Variants in LAMP1 observed in about 807,000 individuals in gnomAD.
The protein encoded by LAMP1 is lysosome associated membrane protein 1.
A neutral mutation model predicts 37.5 loss-of-function variants in LAMP1; 7 were observed. The observed-to-expected ratio is 0.19, with a 90% CI of 0.11 to 0.35. The LOEUF is 0.35. Among genes scored for constraint, LAMP1 ranks in the 10% least tolerant of loss-of-function variants. LAMP1 has a pLI of 1.00. For missense variants in LAMP1, 537 were observed against 552.8 expected, an observed-to-expected ratio of 0.97 and a Z score of 0.29; for synonymous variants, 236 against 229.1, an observed-to-expected ratio of 1.03 and a Z score of -0.27.
intron 4 of LAMP1, among the ~76,000 whole-genome samples, chr13:113,311,794 G>A (rs1192729615): frequency 2.0e-5 from 3 of 152,216 alleles, no homozygotes; most frequent in Non-Finnish European, 2.9e-5. Context: ...TATGCAAAAT[G>A]TGTATCTCAG....
chr13:113,320,374 C>T lies in LAMP1; in HGVS notation c.780C>T (p.Pro260=), dbSNP rs773409402. The part of the protein sequence containing the change: ...TTVTRLLNIN[P]NKTSASGSCG... ...TGACAAGGCTTCTCAACATCAACCC[C>T]AACAAGACCTCGGCCAGCGGGAGCT... is the stretch of plus-strand genomic sequence containing the variant. Residue 260 remains proline (P), a synonymous_variant, in exon 6 of 9, where the codon CCC becomes CCT. Coordinates refer to ENST00000332556, the MANE Select transcript of LAMP1 (RefSeq NM_005561.4). The surrounding 1 kb of genome is among the most constrained non-coding windows in gnomAD (Gnocchi z 4.4). The T allele has an allele frequency of 1.1e-5, 17 of 1,613,884 alleles. No homozygotes were observed. The highest frequency in any genetic ancestry group is 1.4e-5 in the Non-Finnish European group (17 of 1,180,044).
intron 1 of LAMP1, among the ~76,000 whole-genome samples, chr13:113,303,483 G>A (rs1464255505): frequency 6.6e-6 from 1 of 152,006 alleles, no homozygotes; most frequent in East Asian, 1.9e-4. Flanking sequence ...ACACCTGTCA[G>A]GTTACTGGAA....
chr13:113,308,370 T>C, intron 2 of LAMP1, among the ~76,000 whole-genome samples: 1 of 130,696 alleles, frequency 7.7e-6, no homozygotes, highest in East Asian at 2.6e-4. Context: ...TTTGCTCTTG[T>C]CACCCAGGCT....
rs182602135 is a variant in LAMP1, at chr13:113,308,768, A to G, written c.184-875A>G. On this transcript the variant is annotated intron_variant, in intron 2 of 8. Coordinates refer to ENST00000332556, the MANE Select transcript of LAMP1 (RefSeq NM_005561.4). ...TATGCACTTTGTTATTTCACAGAACATGTCTTTATCACCTTGTGTAGTTTC... is the reference window on the plus strand; with the variant it reads ...TATGCACTTTGTTATTTCACAGAACGTGTCTTTATCACCTTGTGTAGTTTC... 3.1e-3 allele frequency among the ~76,000 whole-genome samples: 479 copies of G among 152,268 alleles called. 1 individual carries two copies. Among genetic ancestry groups the G allele is most frequent in the African/African-American group, 0.011 (464 of 41,560 alleles).
At chr13:113,300,813 CAAAA>C (rs979704771) in intron 1 of LAMP1, among the ~76,000 whole-genome samples, 4 of 151,900 alleles carry the variant, frequency 2.6e-5, no homozygotes, top group Admixed American at 2.6e-4. Flanking sequence ...GACTCCATCT[CAAAA>C]AAACAAAGAA....
rs772477040 is a variant in LAMP1 at position 113,321,360 on chromosome 13, T to C, written c.877-44T>C. The stretch of plus-strand genomic sequence containing the variant: ...ATCTACTGGGGTTAAAGATCATCTT[T>C]CTATGAATCTGCTCCGTGATTAAAG... On this transcript the variant is annotated intron_variant, in intron 6 of 8. Coordinates refer to ENST00000332556, the MANE Select transcript of LAMP1 (RefSeq NM_005561.4). This position sits in a 1 kb window ranked among gnomAD's most constrained non-coding sequence, Gnocchi z 5.6. 8.7e-6 allele frequency: 13 copies of C among 1,487,442 alleles called. No homozygotes were observed. The African/African-American group carries it at 1.7e-4, about 19-fold the overall frequency. 92.1% of individuals were successfully genotyped at this position (1,487,442 alleles called of 1,614,324 possible). A position where few individuals can be genotyped will look rare whatever the true frequency, so the allele number is the denominator to read the frequency against.
chr13:113,321,247 ATCTTT>A lies in LAMP1; in HGVS notation c.877-155_877-151del, dbSNP rs2042697366. The stretch of plus-strand genomic sequence containing the variant: ...ATACACAACGCCTTTTATAGACAAG[ATCTTT>A]TGCAGTTTTGTTCTAATACTAGAAA... On this transcript the variant is annotated intron_variant, in intron 6 of 8. Transcript: ENST00000332556. The surrounding 1 kb of genome is among the most constrained non-coding windows in gnomAD (Gnocchi z 5.6). The A allele has an allele frequency of 1.4e-6, 1 of 697,192 alleles. No homozygotes were observed. Among genetic ancestry groups the A allele is most frequent in the Non-Finnish European group, 2.5e-6 (1 of 395,160 alleles). The allele number at this position is 697,192 out of a possible 1,614,324, so 43.2% of individuals were successfully genotyped here. A position where few individuals can be genotyped will look rare whatever the true frequency, so the allele number is the denominator to read the frequency against.
chr13:113,301,778 A>G (rs2139356147), intron 1 of LAMP1, among the ~76,000 whole-genome samples: 1 of 149,464 alleles, frequency 6.7e-6, no homozygotes, highest in Non-Finnish European at 1.5e-5. Context: ...TTCTTCATAA[A>G]TGATTGTGCA....
Position 113,309,670 on chromosome 13 carries a change from G to T in LAMP1, c.211G>T (p.Ala71Ser), listed in dbSNP as rs1335251530. 6.2e-7 allele frequency: 1 copy of T among 1,613,840 alleles called. No homozygotes were observed. Among genetic ancestry groups the T allele is most frequent in the Non-Finnish European group, 8.5e-7 (1 of 1,179,824 alleles). The change falls in exon 3 of 9, where the codon GCC (alanine) becomes TCC (serine). Residue 71 changes from alanine (A) to serine (S), a missense_variant. Transcript: ENST00000332556. ...KNMTFDLPSD[A>S]TVVLNRSSCG... ...CATGACCTTTGACCTGCCATCAGAT[G>T]CCACAGTGGTGCTCAACCGCAGCTC...
In LAMP1 at chr13:113,306,054, T is replaced by C. The variant is rs532384447; in HGVS notation, c.62-431T>C. On this transcript the variant is annotated intron_variant, in intron 1 of 8. Coordinates refer to ENST00000332556, the MANE Select transcript of LAMP1 (RefSeq NM_005561.4). Reference sequence around the variant, plus strand: ...CGTAATCCATGTGTCTGGTTGTTCATTGAATTTAAGAAACACAGTGGAGGC... The same window carrying C: ...CGTAATCCATGTGTCTGGTTGTTCACTGAATTTAAGAAACACAGTGGAGGC... 1.9e-3 allele frequency: 290 copies of C among 156,284 alleles called. 1 individual carries two copies. The highest frequency in any genetic ancestry group is 6.8e-3 in the African/African-American group (283 of 41,594). The allele number at this position is 156,284 out of a possible 1,614,324, so 9.7% of individuals were successfully genotyped here. A position where few individuals can be genotyped will look rare whatever the true frequency, so the allele number is the denominator to read the frequency against.
At chr13:113,303,323 G>A (rs1248184005) in intron 1 of LAMP1, among the ~76,000 whole-genome samples, 5 of 152,188 alleles carry the variant, frequency 3.3e-5, no homozygotes, top group African/African-American at 1.2e-4. Flanking sequence ...CCAAGTGGGG[G>A]TATTTTGAAG....
intron 4 of LAMP1, among the ~76,000 whole-genome samples, chr13:113,318,861 C>T (rs951552861): frequency 2.0e-5 from 3 of 152,208 alleles, no homozygotes; most frequent in African/African-American, 4.8e-5. Context: ...TCTGCTCACA[C>T]GTGGGGTCCT....
chr13:113,306,491 T>C lies in LAMP1; in HGVS notation c.68T>C (p.Met23Thr), dbSNP rs180717643. The C allele has an allele frequency of 6.2e-7, 1 of 1,613,968 alleles. No homozygotes were observed. The highest frequency in any genetic ancestry group is 1.7e-5 in the Admixed American group (1 of 59,984). The change falls in exon 2 of 9, where the codon ATG becomes ACG. Residue 23 changes from methionine (M) to threonine (T), a missense_variant. Transcript: ENST00000332556. ...TCTTCCCTGGAATTGACAGGCCTCA[T>C]GCATTGTGCGTCAGCAGCAATGTTT... is the stretch of plus-strand genomic sequence containing the variant. ...LLLLLLLLGL[M>T]HCASAAMFMV...
intron 5 of LAMP1, among the ~76,000 whole-genome samples, chr13:113,319,903 G>A (rs1038084556): frequency 5.3e-5 from 8 of 152,280 alleles, no homozygotes; most frequent in African/African-American, 1.7e-4. Flanking sequence ...CTATTGGGCA[G>A]TGTGGCCCAC....
At position 113,321,500 on chromosome 13, in the gene LAMP1, C is replaced by T. The variant is rs377454202; in HGVS notation, c.943+30C>T. On this transcript the variant is annotated intron_variant, in intron 7 of 8. Coordinates refer to ENST00000332556, the MANE Select transcript of LAMP1 (RefSeq NM_005561.4). The surrounding 1 kb of genome is among the most constrained non-coding windows in gnomAD (Gnocchi z 5.6). Reference sequence around the variant, plus strand: ...GAACCCACAATCTCTGCGAGCCCCGCCCCCGCCCGCGCGCCCAGGGTATTC... The same window carrying T: ...GAACCCACAATCTCTGCGAGCCCCGTCCCCGCCCGCGCGCCCAGGGTATTC... The T allele has an allele frequency of 5.6e-6, 9 of 1,613,160 alleles. No individual in the cohort carries two copies. The highest frequency in any genetic ancestry group is 7.6e-6 in the Non-Finnish European group (9 of 1,179,300).
At position 113,309,724 on chromosome 13, in the gene LAMP1, A is replaced by C. The variant is rs2042619153; in HGVS notation, c.265A>C (p.Ser89Arg). 2.5e-6 allele frequency: 4 copies of C among 1,614,086 alleles called. No individual in the cohort carries two copies. Among genetic ancestry groups the C allele is most frequent in the Admixed American group, 3.3e-5 (2 of 60,002 alleles). Residue 89 changes from serine to arginine, a missense_variant, in exon 3 of 9, where the codon AGT (serine) becomes CGT (arginine). Physicochemically the swap from Ser to Arg is moderately radical, Grantham distance 110 (BLOSUM62 -1). Transcript: ENST00000332556. Reference protein sequence around the residue: ...SCGKENTSDPSLVIAFGRGHT... With the variant: ...SCGKENTSDPRLVIAFGRGHT... ...TGGAAAAGAGAACACTTCTGACCCC[A>C]GTCTCGTGATTGCTTTTGGAAGAGG...
At chr13:113,303,145 G>A (rs893475054) in intron 1 of LAMP1, among the ~76,000 whole-genome samples, 1 of 152,214 alleles carries the variant, frequency 6.6e-6, no homozygotes, top group Non-Finnish European at 1.5e-5. Flanking sequence ...TGAGGCCTTG[G>A]CACTCTCTCC....
rs1359832508 is a variant in LAMP1 at position 113,322,804 on chromosome 13, G to C, written c.*383G>C. ...TGCCGCTTTCTCTGAGGGGGTGGGG[G>C]TGCCGCTCTCTCTGAGGGGGTGGGG... On this transcript the variant is annotated 3_prime_UTR_variant, in exon 9 of 9. Transcript: ENST00000332556. 1 of 83,062 alleles carries C rather than the reference G, an allele frequency of 1.2e-5. No homozygotes were observed. Among genetic ancestry groups the C allele is most frequent in the Non-Finnish European group, 2.3e-5 (1 of 42,914 alleles). 5.1% of individuals were successfully genotyped at this position (83,062 alleles called of 1,614,324 possible). A position where few individuals can be genotyped will look rare whatever the true frequency, so the allele number is the denominator to read the frequency against.
chr13:113,312,251 C>G (rs533525311), intron 4 of LAMP1, among the ~76,000 whole-genome samples: 5 of 152,096 alleles, frequency 3.3e-5, no homozygotes, highest in Non-Finnish European at 7.4e-5. Flanking sequence ...AACGGCTTTT[C>G]GATTTATAAA....
Sources: gnomAD v4.1 joint callset for allele counts (sites outside exome capture counted in the v4.1 genomes callset) on GRCh38, gnomAD v4.1.1 for gene constraint, Gnocchi (gnomAD v3.1) non-coding constraint, MANE v1.5 for transcripts, NCBI Gene and HGNC (gene_info 2026-07-23, HGNC 2026-07-21) for gene names.